The following MFSD6 variants were observed in gnomAD, a reference collection of about 807,000 sequenced individuals.
MFSD6 encodes the protein major facilitator superfamily domain containing 6, also known as major facilitator superfamily domain-containing protein 6.
A neutral mutation model predicts 56.3 loss-of-function variants in MFSD6; 26 were observed. The observed-to-expected ratio is 0.46, with a 90% CI of 0.34 to 0.64. The LOEUF is 0.64. Ranked by LOEUF, MFSD6 falls within the 30% of genes least tolerant of loss-of-function variation. The pLI, the probability that MFSD6 is intolerant of heterozygous loss-of-function variation, is 0.01. For synonymous variants in MFSD6, 331 were observed against 366.9 expected, an observed-to-expected ratio of 0.90 and a Z score of 1.12; for missense variants, 750 against 986.2, an observed-to-expected ratio of 0.76 and a Z score of 3.21.
chr2:190,444,889 AGTGAC>A (rs1443711604), intron 3 of MFSD6: 2 of 831,604 alleles, frequency 2.4e-6, no homozygotes, highest in African/African-American at 3.7e-5. Flanking sequence ...CATAGTAAAA[AGTGAC>A]GTTAATCTTT....
intron 4 of MFSD6, among the ~76,000 whole-genome samples, chr2:190,474,400 C>G (rs1159439083): frequency 2.0e-5 from 3 of 152,188 alleles, no homozygotes; most frequent in Admixed American, 2.0e-4. Flanking sequence ...ACCGATCCCA[C>G]AGAAATACAA....
rs766409271 is a variant in MFSD6 at position 190,491,140 on chromosome 2, A to T, written c.1891+1274A>T. ...AAATCATTAATTAAACATTCAATGTAAGAAACATAAAAATAAGCAATCAAA... is the reference window on the plus strand; with the variant it reads ...AAATCATTAATTAAACATTCAATGTTAGAAACATAAAAATAAGCAATCAAA... On this transcript the variant is annotated intron_variant, in intron 6 of 7. Coordinates refer to ENST00000392328, the MANE Select transcript of MFSD6 (RefSeq NM_017694.4). The surrounding 1 kb of genome is among the most constrained non-coding windows in gnomAD (Gnocchi z 4.2). Among the ~76,000 whole-genome samples, 12 of 152,258 alleles carry T rather than the reference A, an allele frequency of 7.9e-5. No individual in the cohort carries two copies. Among genetic ancestry groups the T allele is most frequent in the Non-Finnish European group, 1.5e-4 (10 of 68,050 alleles).
rs1382737845 is a variant in MFSD6, at chr2:190,417,394, GT to G, written c.-54+1982del. Among the ~76,000 whole-genome samples, 1 of 152,158 alleles carries G rather than the reference GT, an allele frequency of 6.6e-6. No individual in the cohort carries two copies. The highest frequency in any genetic ancestry group is 1.9e-4 in the East Asian group (1 of 5,188). ...CGAGGCCCCACACCACAGACCCTCT[GT>G]GTACATCACCTGTGCTTGCTCCTGT... On this transcript the variant is annotated intron_variant, in intron 2 of 7. Transcript: ENST00000392328. This position sits in a 1 kb window ranked among gnomAD's most constrained non-coding sequence, Gnocchi z 5.7.
At position 190,434,722 on chromosome 2, in the gene MFSD6, G is replaced by A. The variant is rs1289375173; in HGVS notation, c.-53-1255G>A. Among the ~76,000 whole-genome samples, 3 of 152,124 alleles carry A rather than the reference G, an allele frequency of 2.0e-5. No homozygotes were observed. The highest frequency in any genetic ancestry group is 1.9e-4 in the East Asian group (1 of 5,196). On this transcript the variant is annotated intron_variant, in intron 2 of 7. Coordinates refer to ENST00000392328, the MANE Select transcript of MFSD6 (RefSeq NM_017694.4). The surrounding 1 kb of genome is among the most constrained non-coding windows in gnomAD (Gnocchi z 4.3). ...GCTGGGATTACAGGTGTGAGCCACC[G>A]CGCCCGGCCAAAACACTGTTTTTCA...
rs1687303952 is a variant in MFSD6 at position 190,461,074 on chromosome 2, T to C, written c.1533-8684T>C. ...TAACTCTTTGGACAACTAGATGGTT[T>C]ACCCACACCCAATCTCCCAAGAGTT... On this transcript the variant is annotated intron_variant, in intron 3 of 7. Coordinates refer to ENST00000392328, the MANE Select transcript of MFSD6 (RefSeq NM_017694.4). The surrounding 1 kb of genome is among the most constrained non-coding windows in gnomAD (Gnocchi z 5.5). Among the ~76,000 whole-genome samples the C allele has an allele frequency of 6.6e-6, 1 of 152,192 alleles. No homozygotes were observed. The highest frequency in any genetic ancestry group is 1.5e-5 in the Non-Finnish European group (1 of 68,028).
rs1687807959 is a variant in MFSD6, at chr2:190,469,741, T to TTTTTATC, written c.1533-11_1533-10insCTTTTAT. The TTTTTATC allele has an allele frequency of 5.0e-6, 7 of 1,403,456 alleles. No homozygotes were observed. The highest frequency in any genetic ancestry group is 5.0e-5 in the East Asian group (2 of 40,046). 86.9% of individuals were successfully genotyped at this position (1,403,456 alleles called of 1,614,324 possible). A position where few individuals can be genotyped will look rare whatever the true frequency, so the allele number is the denominator to read the frequency against. On this transcript the variant is annotated splice_polypyrimidine_tract_variant and intron_variant, in intron 3 of 7. Transcript: ENST00000392328. This position sits in a 1 kb window ranked among gnomAD's most constrained non-coding sequence, Gnocchi z 5.3. Reference sequence around the variant, plus strand: ...TTGCTTTTTTTTATTTTATTTTTATTTTTTATTTTTTTTTAGGGTTCTGTA... The same window carrying TTTTTATC: ...TTGCTTTTTTTTATTTTATTTTTATTTTTTATCTTTTATTTTTTTTTAGGGTTCTGTA...
In MFSD6 at chr2:190,438,822, C is replaced by T; in HGVS notation, c.1532+1261C>T. Reference sequence around the variant, plus strand: ...CAATCCTTTATTTCCTTTCTATTAACTGAAGAAAATATTTTCTAATTTAAA... The same window carrying T: ...CAATCCTTTATTTCCTTTCTATTAATTGAAGAAAATATTTTCTAATTTAAA... On this transcript the variant is annotated intron_variant, in intron 3 of 7. Coordinates refer to ENST00000392328, the MANE Select transcript of MFSD6 (RefSeq NM_017694.4). The surrounding 1 kb of genome is among the most constrained non-coding windows in gnomAD (Gnocchi z 5.2). Among the ~76,000 whole-genome samples, 1 of 152,182 alleles carries T rather than the reference C, an allele frequency of 6.6e-6. No individual in the cohort carries two copies. The highest frequency in any genetic ancestry group is 1.5e-5 in the Non-Finnish European group (1 of 68,034).
intron 3 of MFSD6, chr2:190,442,599 G>A (rs191936560): frequency 6.6e-6 from 1 of 152,234 alleles, no homozygotes; most frequent in Admixed American, 6.5e-5. Flanking sequence ...ATTGAGGGAA[G>A]GAATAGATCT....
intron 3 of MFSD6, among the ~76,000 whole-genome samples, chr2:190,460,048 A>T (rs1419514958): frequency 6.6e-6 from 1 of 152,078 alleles, no homozygotes; most frequent in Non-Finnish European, 1.5e-5. Flanking sequence ...ACTACCACTG[A>T]CTCTGAGCTT....
At position 190,496,081 on chromosome 2, in the gene MFSD6, G is replaced by C. The variant is rs918995498; in HGVS notation, c.1892-1358G>C. Among the ~76,000 whole-genome samples the C allele has an allele frequency of 2.0e-5, 3 of 151,646 alleles. No homozygotes were observed. The highest frequency in any genetic ancestry group is 4.8e-5 in the African/African-American group (2 of 41,298). On this transcript the variant is annotated intron_variant, in intron 6 of 7. Coordinates refer to ENST00000392328, the MANE Select transcript of MFSD6 (RefSeq NM_017694.4). The surrounding 1 kb of genome is among the most constrained non-coding windows in gnomAD (Gnocchi z 4.7). Reference sequence around the variant, plus strand: ...CCCACAGAGTGGGAGAAAATCTTCAGTCTATATATCCGACAAAGGACTAAT... The same window carrying C: ...CCCACAGAGTGGGAGAAAATCTTCACTCTATATATCCGACAAAGGACTAAT...
At position 190,482,868 on chromosome 2, in the gene MFSD6, C is replaced by CTTTTTTTTTTTTTTT. The variant is rs199927176; in HGVS notation, c.1631-5768_1631-5754dup. Among the ~76,000 whole-genome samples, 5 of 48,292 alleles carry CTTTTTTTTTTTTTTT rather than the reference C, an allele frequency of 1.0e-4. 1 individual carries two copies. The highest frequency in any genetic ancestry group is 1.9e-4 in the Non-Finnish European group (5 of 26,196). The allele number at this position is 48,292 out of a possible 152,430, so 31.7% of individuals were successfully genotyped here. ...GGAGAAGAGTTATTAAGACTATCATCTTTTTTTTTTTTTTTTTTTTTTTTT... is the reference window on the plus strand; with the variant it reads ...GGAGAAGAGTTATTAAGACTATCATCTTTTTTTTTTTTTTTTTTTTTTTTTTTTTTTTTTTTTTTT... On this transcript the variant is annotated intron_variant, in intron 4 of 7. Transcript: ENST00000392328.
chr2:190,480,740 C>CCT (rs1688615776), intron 4 of MFSD6, among the ~76,000 whole-genome samples: 1 of 152,154 alleles, frequency 6.6e-6, no homozygotes, highest in African/African-American at 2.4e-5. Context: ...CTCTCTAAGC[C>CCT]ACAGACTCTT....
rs1249103642 is a variant in MFSD6, at chr2:190,412,109, A to G, written c.-175-3183A>G. 1.0e-6 allele frequency: 1 copy of G among 984,120 alleles called. No homozygotes were observed. Among genetic ancestry groups the G allele is most frequent in the Non-Finnish European group, 1.2e-6 (1 of 828,870 alleles). The allele number at this position is 984,120 out of a possible 1,614,324, so 61.0% of individuals were successfully genotyped here. A position where few individuals can be genotyped will look rare whatever the true frequency, so the allele number is the denominator to read the frequency against. ...AATCTGATGCATATGTACTTGTTAA[A>G]TACAGTCCCATAGTTCTATCCAATT... On this transcript the variant is annotated intron_variant, in intron 1 of 7. Transcript: ENST00000392328. The surrounding 1 kb of genome is among the most constrained non-coding windows in gnomAD (Gnocchi z 4.1).
chr2:190,436,057 A>G lies in MFSD6; in HGVS notation c.28A>G (p.Thr10Ala), dbSNP rs769386625. Residue 10 changes from threonine (T) to alanine (A), a missense_variant, in exon 3 of 8, where the codon ACG becomes GCG. By Grantham distance (58) the Thr-to-Ala change is moderately conservative. This residue lies in a region of MFSD6 where 76 missense variants were observed against 101.9 expected (regional missense o/e 0.75). Transcript: ENST00000392328. This position sits in a 1 kb window ranked among gnomAD's most constrained non-coding sequence, Gnocchi z 5.3. The part of the protein sequence containing the change: MADDKVAIL[T>A]DDEEEQKRKY... The stretch of plus-strand genomic sequence containing the variant: ...GGCAGATGATAAAGTTGCTATCTTA[A>G]CGGATGATGAAGAGGAACAGAAGAG... 1.9e-6 allele frequency: 3 copies of G among 1,613,622 alleles called. No individual in the cohort carries two copies. Among genetic ancestry groups the G allele is most frequent in the Non-Finnish European group, 2.5e-6 (3 of 1,179,638 alleles).
intron 1 of MFSD6, 54 bp downstream of exon 1, chr2:190,408,557 C>G (rs1690402863): frequency 6.6e-6 from 1 of 151,794 alleles, no homozygotes; most frequent in Non-Finnish European, 1.5e-5. Flanking sequence ...CCTGGCCTCC[C>G]CCGCCCCGCA....
intron 4 of MFSD6, among the ~76,000 whole-genome samples, chr2:190,484,398 A>G (rs1688889088): frequency 6.6e-6 from 1 of 152,194 alleles, no homozygotes; most frequent in Non-Finnish European, 1.5e-5. Context: ...TTCTCTAATA[A>G]CTAAGAAAGT....
rs1689432365 is a variant in MFSD6, at chr2:190,492,779, T to TC, written c.1891+2915dup. On this transcript the variant is annotated intron_variant, in intron 6 of 7. Coordinates refer to ENST00000392328, the MANE Select transcript of MFSD6 (RefSeq NM_017694.4). This position sits in a 1 kb window ranked among gnomAD's most constrained non-coding sequence, Gnocchi z 5.2. ...GAATTCACCACTACCAAGCCAGCACTCCAAGAACTACCAAGCCAGCACTCC... is the reference window on the plus strand; with the variant it reads ...GAATTCACCACTACCAAGCCAGCACTCCCAAGAACTACCAAGCCAGCACTCC... 6.6e-6 allele frequency among the ~76,000 whole-genome samples: 1 copy of TC among 151,666 alleles called. No individual in the cohort carries two copies. Among genetic ancestry groups the TC allele is most frequent in the African/African-American group, 2.4e-5 (1 of 41,212 alleles).
In MFSD6 at chr2:190,437,280, A is replaced by G. The variant is rs1176072164; in HGVS notation, c.1251A>G (p.Thr417=). Residue 417 remains threonine, a synonymous_variant, in exon 3 of 8, where the codon ACA becomes ACG. Transcript: ENST00000392328. This position sits in a 1 kb window ranked among gnomAD's most constrained non-coding sequence, Gnocchi z 5.9. ...EIPQVERNNS[T]ESSEETPTTT... ...CGCAGGTGGAAAGGAACAACTCTAC[A>G]GAGTCCTCTGAGGAGACACCAACCA... 10 of 1,614,114 alleles carry G rather than the reference A, an allele frequency of 6.2e-6. No homozygotes were observed. Among genetic ancestry groups the G allele is most frequent in the Non-Finnish European group, 8.5e-6 (10 of 1,180,050 alleles).
rs1460847083 is a variant in MFSD6, at chr2:190,426,378, G to C, written c.-53-9599G>C. 6.6e-6 allele frequency among the ~76,000 whole-genome samples: 1 copy of C among 151,868 alleles called. No individual in the cohort carries two copies. The highest frequency in any genetic ancestry group is 2.4e-5 in the African/African-American group (1 of 41,334). Reference sequence around the variant, plus strand: ...TTGTGGTTGTATTTTCCAGTTATAAGTTTTCCATTTTTTCTTCCATTTCTT... The same window carrying C: ...TTGTGGTTGTATTTTCCAGTTATAACTTTTCCATTTTTTCTTCCATTTCTT... On this transcript the variant is annotated intron_variant, in intron 2 of 7. Transcript: ENST00000392328. This position sits in a 1 kb window ranked among gnomAD's most constrained non-coding sequence, Gnocchi z 4.7.
Sources: allele counts gnomAD v4.1 joint callset (sites outside exome capture counted in the v4.1 genomes callset), GRCh38; gene constraint gnomAD v4.1.1; regional missense constraint gnomAD v4.1.1; non-coding constraint Gnocchi (gnomAD v3.1); transcripts MANE v1.5; gene names NCBI Gene and HGNC (gene_info 2026-07-23, HGNC 2026-07-21).